The following CDK5RAP2 variants were observed in gnomAD, a reference collection of about 807,000 sequenced individuals.
CDK5RAP2 encodes CDK5 regulatory subunit-associated protein 2.
CDK5RAP2 carries 147 observed loss-of-function variants against 232.9 expected under a neutral mutation model. The observed-to-expected ratio is 0.63, with a 90% CI of 0.55 to 0.72. The LOEUF is 0.72. Among genes scored for constraint, CDK5RAP2 ranks in the 30% least tolerant of loss-of-function variants. The pLI, the probability that CDK5RAP2 is intolerant of heterozygous loss-of-function variation, is 0.00. For missense variants in CDK5RAP2, 2,195 were observed against 2,231.5 expected, an observed-to-expected ratio of 0.98 and a Z score of 0.33; for synonymous variants, 833 against 833.7, an observed-to-expected ratio of 1.00 and a Z score of 0.01.
At chr9:120,393,922 G>A (rs1479751818) in intron 36 of CDK5RAP2, among the ~76,000 whole-genome samples, 1 of 152,100 alleles carries the variant, frequency 6.6e-6, no homozygotes, top group Non-Finnish European at 1.5e-5. Flanking sequence ...AGCCATTCTT[G>A]CACACAGATG....
chr9:120,407,039 C>A lies in CDK5RAP2; in HGVS notation c.4936G>T (p.Glu1646Ter). The change falls in exon 32 of 38, where the codon GAG becomes TAG. Residue 1646 changes from glutamate (E) to a stop codon, truncating the protein, a stop_gained. Coordinates refer to ENST00000349780, the MANE Select transcript of CDK5RAP2 (RefSeq NM_018249.6). LOFTEE classifies it high-confidence loss of function. ...TLAVQAVSIP[E>*]VPLQPDKHDG... ...TGTTTGTCAGGCTGAAGGGGCACCT[C>A]AGGGATGGACACGGCTTGGACAGCC... The A allele has an allele frequency of 6.2e-7, 1 of 1,614,130 alleles. No individual in the cohort carries two copies. Among genetic ancestry groups the A allele is most frequent in the Non-Finnish European group, 8.5e-7 (1 of 1,179,986 alleles).
intron 35 of CDK5RAP2, among the ~76,000 whole-genome samples, chr9:120,395,648 G>A (rs1334947452): frequency 2.0e-5 from 3 of 152,270 alleles, no homozygotes; most frequent in African/African-American, 7.2e-5. Context: ...TGAGTTGTCA[G>A]CTCACGAAGA....
chr9:120,572,038 G>T lies in CDK5RAP2; in HGVS notation c.63C>A (p.Gly21=). Residue 21 remains glycine, a synonymous_variant, in exon 2 of 38, where the codon GGC becomes GGA. Coordinates refer to ENST00000349780, the MANE Select transcript of CDK5RAP2 (RefSeq NM_018249.6). ...TVPGTLSGCS[G]LVPSVPDDLD... ...GGTCATCTGGTACACTGGGAACAAG[G>T]CCACTAGGAGAGAACACATGAGATA... The T allele has an allele frequency of 6.2e-7, 1 of 1,612,016 alleles. No individual in the cohort carries two copies. The highest frequency in any genetic ancestry group is 1.1e-5 in the South Asian group (1 of 91,044).
chr9:120,404,521 A>G (rs1338820900), intron 32 of CDK5RAP2, among the ~76,000 whole-genome samples: 1 of 152,202 alleles, frequency 6.6e-6, no homozygotes, highest in African/African-American at 2.4e-5. Context: ...AAGAAATGCC[A>G]GGCAGCACAA....
chr9:120,570,476 C>T (rs1009647206), intron 2 of CDK5RAP2, among the ~76,000 whole-genome samples: 2 of 152,188 alleles, frequency 1.3e-5, no homozygotes, highest in African/African-American at 4.8e-5. Context: ...ACAGTAACCA[C>T]ATTTGAGGTT....
At chr9:120,421,124 T>C (rs563051787) in intron 26 of CDK5RAP2, among the ~76,000 whole-genome samples, 2 of 152,314 alleles carry the variant, frequency 1.3e-5, no homozygotes, top group South Asian at 2.1e-4. Flanking sequence ...TTTAACACAT[T>C]TGAGGACCAG....
At chr9:120,429,108 T>G (rs1365026043) in intron 25 of CDK5RAP2, among the ~76,000 whole-genome samples, 1 of 152,196 alleles carries the variant, frequency 6.6e-6, no homozygotes, top group Admixed American at 6.5e-5. Context: ...GAACGTTATC[T>G]CAAAATAATA....
At chr9:120,453,340 G>C (rs1042948581) in intron 21 of CDK5RAP2, 116 bp downstream of exon 21, 1 of 935,350 alleles carries the variant, frequency 1.1e-6, no homozygotes, top group African/African-American at 1.6e-5. Flanking sequence ...CAAGCAGAGG[G>C]AGACACTGGA....
intron 3 of CDK5RAP2, among the ~76,000 whole-genome samples, chr9:120,561,672 T>G (rs1480958772): frequency 6.6e-6 from 1 of 152,208 alleles, no homozygotes; most frequent in Non-Finnish European, 1.5e-5. Context: ...TCAACTATTT[T>G]CATATTCTTT....
chr9:120,429,644 T>C (rs1364474824), intron 25 of CDK5RAP2, among the ~76,000 whole-genome samples: 5 of 152,184 alleles, frequency 3.3e-5, no homozygotes, highest in Non-Finnish European at 7.4e-5. Context: ...TCCATGCTCA[T>C]GGGTAGGAAG....
chr9:120,407,414 G>A (rs1444450800), intron 31 of CDK5RAP2, 166 bp from the exon 32 acceptor site: 1 of 660,606 alleles, frequency 1.5e-6, no homozygotes, highest in East Asian at 2.7e-5. Flanking sequence ...AAAAATATTG[G>A]CAGACTTAAT....
At chr9:120,399,298 G>A (rs960624155) in intron 35 of CDK5RAP2, among the ~76,000 whole-genome samples, 1 of 152,090 alleles carries the variant, frequency 6.6e-6, no homozygotes, top group African/African-American at 2.4e-5. Context: ...ATTGCATTAA[G>A]GGTCAACTGT....
intron 7 of CDK5RAP2, among the ~76,000 whole-genome samples, chr9:120,531,739 G>T (rs1408511353): frequency 6.6e-6 from 1 of 152,192 alleles, no homozygotes; most frequent in Non-Finnish European, 1.5e-5. Flanking sequence ...CAGTCAGACA[G>T]AGCTGCCCTA....
chr9:120,512,266 T>C (rs1360600767), intron 12 of CDK5RAP2, among the ~76,000 whole-genome samples: 1 of 152,180 alleles, frequency 6.6e-6, no homozygotes, highest in African/African-American at 2.4e-5. Context: ...GGAGGATTAC[T>C]TGAGCCTGAA....
In CDK5RAP2 at chr9:120,568,223, C is replaced by T. The variant is rs987576009; in HGVS notation, c.195+98G>A. The T allele has an allele frequency of 7.3e-5, 70 of 953,280 alleles. No individual in the cohort carries two copies. In the South Asian group the frequency reaches 8.7e-4, roughly 12 times the overall value. The allele number at this position is 953,280 out of a possible 1,614,324, so 59.1% of individuals were successfully genotyped here. A position where few individuals can be genotyped will look rare whatever the true frequency, so the allele number is the denominator to read the frequency against. ...GGCACCCCCCTGCCTCTGGCATCAC[C>T]GAACTTAGATCTCAAGAAACACAGC... On this transcript the variant is annotated intron_variant, in intron 3 of 37. Transcript: ENST00000349780.
At chr9:120,528,862 T>G (rs1002749084) in intron 8 of CDK5RAP2, 65 bp from the exon 9 acceptor site, 4 of 1,124,778 alleles carry the variant, frequency 3.6e-6, no homozygotes, top group Admixed American at 3.4e-5. Context: ...CCAGAACAAT[T>G]AGAATGAGCA....
chr9:120,472,164 T>C (rs147776281), intron 15 of CDK5RAP2, among the ~76,000 whole-genome samples: 2 of 152,370 alleles, frequency 1.3e-5, no homozygotes, highest in East Asian at 1.9e-4. Context: ...AATGCTGATA[T>C]GCATTCCTCA....
chr9:120,566,729 G>A (rs1004069151), intron 3 of CDK5RAP2, among the ~76,000 whole-genome samples: 2 of 152,222 alleles, frequency 1.3e-5, no homozygotes, highest in East Asian at 1.9e-4. Context: ...GCACCCAGGA[G>A]AAGTGGACAA....
chr9:120,408,106 G>T, intron 31 of CDK5RAP2: 1 of 541,896 alleles, frequency 1.8e-6, no homozygotes, highest in Non-Finnish European at 3.4e-6. Context: ...ACATAGCTGG[G>T]AACAAGTGAG....
Sources: gnomAD v4.1 joint callset for allele counts (sites outside exome capture counted in the v4.1 genomes callset) on GRCh38, gnomAD v4.1.1 for gene constraint, MANE v1.5 for transcripts, NCBI Gene and HGNC (gene_info 2026-07-23, HGNC 2026-07-21) for gene names.